KCNH7: variants seen among roughly 807,000 people sequenced by gnomAD.
The protein encoded by KCNH7 is potassium voltage-gated channel subfamily H member 7.
In KCNH7, 49 loss-of-function variants were observed where a neutral mutation model predicts 120.8. That is an observed-to-expected ratio of 0.41 (90% CI 0.32 to 0.51). The LOEUF (loss-of-function observed/expected upper bound fraction) is 0.51, where lower values mean the gene tolerates loss of function less well. Among genes scored for constraint, KCNH7 ranks in the 20% least tolerant of loss-of-function variants. The pLI is 0.38. For synonymous variants in KCNH7, 547 were observed against 516.1 expected, an observed-to-expected ratio of 1.06 and a Z score of -0.81; for missense variants, 1,097 against 1,446.6, an observed-to-expected ratio of 0.76 and a Z score of 3.92.
chr2:162,429,323 A>G (rs547130562), intron 8 of KCNH7, among the ~76,000 whole-genome samples: 65 of 145,022 alleles, frequency 4.5e-4, no homozygotes, highest in African/African-American at 1.6e-3. Context: ...ATTCATTGAC[A>G]TTATTTTTTG....
chr2:162,738,982 C>G (rs745377190), intron 2 of KCNH7, among the ~76,000 whole-genome samples: 29 of 152,146 alleles, frequency 1.9e-4, no homozygotes, highest in Non-Finnish European at 3.4e-4. Context: ...GATCCCCACT[C>G]TGACACACCT....
intron 2 of KCNH7, among the ~76,000 whole-genome samples, chr2:162,578,614 G>A (rs1005897424): frequency 6.6e-6 from 1 of 152,028 alleles, no homozygotes. Context: ...AAGAAAAACA[G>A]AAAACTGGAG....
chr2:162,826,996 T>C (rs573958934), intron 2 of KCNH7, among the ~76,000 whole-genome samples: 3 of 152,062 alleles, frequency 2.0e-5, no homozygotes, highest in Non-Finnish European at 4.4e-5. Flanking sequence ...GGAGGGGACA[T>C]TAAGGCTATC....
At chr2:162,498,897 T>C (rs1353779947) in intron 6 of KCNH7, among the ~76,000 whole-genome samples, 2 of 152,056 alleles carry the variant, frequency 1.3e-5, no homozygotes. Context: ...CCAAAGCAGA[T>C]CTTTCTCTGT....
At chr2:162,824,051 TCTTA>T (rs1190980432) in intron 2 of KCNH7, among the ~76,000 whole-genome samples, 2 of 152,172 alleles carry the variant, frequency 1.3e-5, no homozygotes, top group African/African-American at 4.8e-5. Flanking sequence ...TATTATAAAA[TCTTA>T]CTTGGTAAAG....
At chr2:162,696,530 G>C (rs1307155652) in intron 2 of KCNH7, among the ~76,000 whole-genome samples, 1 of 152,082 alleles carries the variant, frequency 6.6e-6, no homozygotes, top group East Asian at 1.9e-4. Context: ...TATTTTTACA[G>C]ATGTAGTTCC....
chr2:162,441,385 C>G (rs918748136), intron 7 of KCNH7, among the ~76,000 whole-genome samples: 2 of 152,130 alleles, frequency 1.3e-5, no homozygotes, highest in African/African-American at 4.8e-5. Context: ...ACTAATAAAT[C>G]AAACATATTA....
Position 162,403,644 on chromosome 2 carries a change from T to C in KCNH7, c.2155-3203A>G, listed in dbSNP as rs12989463. On this transcript the variant is annotated intron_variant, in intron 9 of 15. Coordinates refer to ENST00000332142, the MANE Select transcript of KCNH7 (RefSeq NM_033272.4). ...AGCTGCTGTTGTTGCATGGAGAAGA[T>C]ACAATGTTGGCATGAACTTGCCTAG... Among the ~76,000 whole-genome samples the C allele has an allele frequency of 5.0e-3, 766 of 152,080 alleles. 8 individuals are homozygous for C. Among genetic ancestry groups the C allele is most frequent in the African/African-American group, 0.017 (725 of 41,546 alleles).
chr2:162,608,160 A>G (rs576193743), intron 2 of KCNH7, among the ~76,000 whole-genome samples: 1 of 152,202 alleles, frequency 6.6e-6, no homozygotes. Context: ...CCTGACTCCT[A>G]TGTGTTCACC....
intron 2 of KCNH7, among the ~76,000 whole-genome samples, chr2:162,652,242 G>GA (rs1433658670): frequency 2.6e-5 from 4 of 152,060 alleles, no homozygotes; most frequent in African/African-American, 9.7e-5. Flanking sequence ...GTATTCTTGG[G>GA]AAAAATCTAA....
chr2:162,652,558 G>T (rs1171779406), intron 2 of KCNH7, among the ~76,000 whole-genome samples: 1 of 152,126 alleles, frequency 6.6e-6, no homozygotes, highest in African/African-American at 2.4e-5. Flanking sequence ...TACATGTGCA[G>T]TCCACAAGAG....
intron 2 of KCNH7, among the ~76,000 whole-genome samples, chr2:162,751,652 C>A (rs1688555040): frequency 3.3e-5 from 5 of 151,682 alleles, no homozygotes; most frequent in Admixed American, 3.3e-4. Flanking sequence ...GATTTGTAGC[C>A]CACATGGTTT....
At chr2:162,462,172 T>C (rs922346986) in intron 6 of KCNH7, among the ~76,000 whole-genome samples, 2 of 152,058 alleles carry the variant, frequency 1.3e-5, no homozygotes, top group African/African-American at 2.4e-5. Flanking sequence ...CAAGGATTAA[T>C]GTACGTTAAG....
chr2:162,512,184 A>C (rs1305292667), intron 5 of KCNH7, among the ~76,000 whole-genome samples: 1 of 151,840 alleles, frequency 6.6e-6, no homozygotes, highest in Non-Finnish European at 1.5e-5. Flanking sequence ...CTACTACAGT[A>C]AGCTGAAAAC....
At chr2:162,523,250 T>G (rs61483119) in intron 3 of KCNH7, among the ~76,000 whole-genome samples, 12,089 of 151,778 alleles carry the variant, frequency 0.08, 517 homozygotes, top group East Asian at 0.12. Flanking sequence ...ATACACACAA[T>G]TTTGCTTATG....
intron 6 of KCNH7, among the ~76,000 whole-genome samples, chr2:162,469,348 GTACCGCCAGAGA>G (rs1689417238): frequency 6.6e-6 from 1 of 152,184 alleles, no homozygotes; most frequent in Non-Finnish European, 1.5e-5. Context: ...TGTACCAGAA[GTACCGCCAGAGA>G]TGTCCTTGAA....
intron 2 of KCNH7, among the ~76,000 whole-genome samples, chr2:162,571,296 T>C (rs894402301): frequency 2.0e-5 from 3 of 152,142 alleles, no homozygotes; most frequent in Admixed American, 6.5e-5. Flanking sequence ...CCATTCACAA[T>C]TGCTTCAAAG....
Position 162,504,824 on chromosome 2 carries a change from C to T in KCNH7, c.914-167G>A, listed in dbSNP as rs78766925. Among the ~76,000 whole-genome samples the T allele has an allele frequency of 1.9e-3, 295 of 152,020 alleles. 6 individuals carry two copies. In the Middle Eastern group the frequency reaches 0.031, roughly 16 times the overall value. The stretch of plus-strand genomic sequence containing the variant: ...CAGGGCTTAGGGTCACCTTGGGCCA[C>T]ATGGAATGGCATGTGAGTATCTGAG... On this transcript the variant is annotated intron_variant, in intron 5 of 15. Transcript: ENST00000332142.
rs1263412640 is a variant in KCNH7, at chr2:162,784,289, G to T, written c.307+52248C>A. Among the ~76,000 whole-genome samples, 4 of 152,006 alleles carry T rather than the reference G, an allele frequency of 2.6e-5. No individual in the cohort carries two copies. The East Asian group carries it at 7.7e-4, about 29-fold the overall frequency. On this transcript the variant is annotated intron_variant, in intron 2 of 15. Transcript: ENST00000332142. ...TTTAATCTTCATGACCATCCTGTGG[G>T]CTGCTTTTATATAACATGGAGGCTC... is the stretch of plus-strand genomic sequence containing the variant.
Sources: gnomAD v4.1 joint callset for allele counts (sites outside exome capture counted in the v4.1 genomes callset) on GRCh38, gnomAD v4.1.1 for gene constraint, MANE v1.5 for transcripts, NCBI Gene and HGNC (gene_info 2026-07-23, HGNC 2026-07-21) for gene names.